PTPRT: variants seen among roughly 807,000 people sequenced by gnomAD.
PTPRT encodes protein tyrosine phosphatase receptor type T, also known as receptor-type tyrosine-protein phosphatase T.
A neutral mutation model predicts 176.8 loss-of-function variants in PTPRT; 56 were observed. The observed-to-expected ratio is 0.32, with a 90% CI of 0.26 to 0.40. The LOEUF is 0.40. PTPRT is among the 10% of genes least tolerant of loss of function. The pLI, the probability that PTPRT is intolerant of heterozygous loss-of-function variation, is 1.00. For missense variants in PTPRT, 1,540 were observed against 1,908.2 expected, an observed-to-expected ratio of 0.81 and a Z score of 3.60; for synonymous variants, 783 against 739.0, an observed-to-expected ratio of 1.06 and a Z score of -0.96.
chr20:42,343,138 C>G lies in PTPRT; in HGVS notation c.1865+7490G>C, dbSNP rs115699980. ...TGTCCTAACTGACCTTGTAAAAGGT[C>G]CCTTAGAAGTCCCCCACACTCTCCT... On this transcript the variant is annotated intron_variant, in intron 11 of 30. Coordinates refer to ENST00000373187, the MANE Select transcript of PTPRT (RefSeq NM_007050.6). Among the ~76,000 whole-genome samples the G allele has an allele frequency of 7.3e-3, 1,116 of 152,238 alleles. 15 individuals are homozygous for G. Among genetic ancestry groups the G allele is most frequent in the African/African-American group, 0.025 (1,052 of 41,532 alleles).
chr20:42,547,138 G>C lies in PTPRT; in HGVS notation c.1154-74576C>G, dbSNP rs7271986. On this transcript the variant is annotated intron_variant, in intron 7 of 30. Coordinates refer to ENST00000373187, the MANE Select transcript of PTPRT (RefSeq NM_007050.6). ...AATAAAATGAGGTATGCCTGTGTAC[G>C]CTTTTGTGTGTTTTGAATTTTGAGC... Among the ~76,000 whole-genome samples the C allele has an allele frequency of 2.8e-3, 428 of 151,716 alleles. 1 individual carries two copies. Among genetic ancestry groups the C allele is most frequent in the African/African-American group, 0.01 (415 of 41,310 alleles).
chr20:42,373,499 C>G (rs539960311), intron 9 of PTPRT, among the ~76,000 whole-genome samples: 2 of 152,294 alleles, frequency 1.3e-5, no homozygotes, highest in African/African-American at 4.8e-5. Context: ...TGTCACATCC[C>G]CAAATGACCT....
chr20:42,386,979 CT>C (rs1259386872), intron 9 of PTPRT, among the ~76,000 whole-genome samples: 6 of 152,238 alleles, frequency 3.9e-5, no homozygotes, highest in Non-Finnish European at 8.8e-5. Flanking sequence ...CCATAATTGT[CT>C]GCATTCTGAA....
chr20:42,600,281 A>C (rs2145787138), intron 7 of PTPRT, among the ~76,000 whole-genome samples: 1 of 152,088 alleles, frequency 6.6e-6, no homozygotes, highest in Admixed American at 6.5e-5. Context: ...CTGGGACTAC[A>C]GGTGTGCGCC....
At chr20:42,985,800 G>C (rs1032630598) in intron 1 of PTPRT, among the ~76,000 whole-genome samples, 5 of 152,142 alleles carry the variant, frequency 3.3e-5, no homozygotes, top group Admixed American at 6.5e-5. Context: ...GGGGGGATGA[G>C]GAGTGCGCCC....
intron 2 of PTPRT, among the ~76,000 whole-genome samples, chr20:42,810,218 C>G (rs527751946): frequency 2.0e-5 from 3 of 152,232 alleles, no homozygotes; most frequent in East Asian, 1.9e-4. Context: ...CGCTTGAACC[C>G]AGGAGGCAGA....
chr20:42,292,256 T>G (rs1056267775), intron 12 of PTPRT, among the ~76,000 whole-genome samples: 1 of 152,100 alleles, frequency 6.6e-6, no homozygotes, highest in Non-Finnish European at 1.5e-5. Flanking sequence ...TTAGCCCCAA[T>G]GGGACTCACT....
intron 15 of PTPRT, among the ~76,000 whole-genome samples, chr20:42,227,663 A>G (rs2056049371): frequency 7.5e-6 from 1 of 134,040 alleles, no homozygotes; most frequent in South Asian, 2.3e-4. Flanking sequence ...GCTGGAGTGC[A>G]ATGGTATGAT....
rs2015493528 is a variant in PTPRT at position 43,189,724 on chromosome 20, G to A, written c.10C>T (p.Leu4Phe). 3.2e-6 allele frequency: 4 copies of A among 1,255,900 alleles called. No individual in the cohort carries two copies. The East Asian group carries it at 1.3e-4, about 42-fold the overall frequency. The allele number at this position is 1,255,900 out of a possible 1,614,324, so 77.8% of individuals were successfully genotyped here. ...AGCAGGCTGAGGGCGAGCGCGGCGA[G>A]GCTCGCCATCCGGGCGGCGGCGGGC... MAS[L>F]AALALSLLLR... is the part of the protein sequence containing the mutation. The change falls in exon 1 of 31, where the codon CTC (leucine) becomes TTC (phenylalanine). Residue 4 changes from leucine (L) to phenylalanine (F), a missense_variant. Leu to Phe is a conservative substitution (Grantham distance 22, BLOSUM62 0). Coordinates refer to ENST00000373187, the MANE Select transcript of PTPRT (RefSeq NM_007050.6). This position sits in a 1 kb window ranked among gnomAD's most constrained non-coding sequence, Gnocchi z 5.0.
At position 42,606,017 on chromosome 20, in the gene PTPRT, G is replaced by T. The variant is rs375151503; in HGVS notation, c.1153+71849C>A. On this transcript the variant is annotated intron_variant, in intron 7 of 30. Coordinates refer to ENST00000373187, the MANE Select transcript of PTPRT (RefSeq NM_007050.6). ...GGACTGCAGGCAGTAGAACAGAAAT[G>T]AAGAATTTCAGGCTACAGGATCAGA... is the stretch of plus-strand genomic sequence containing the variant. Among the ~76,000 whole-genome samples the T allele has an allele frequency of 2.6e-4, 39 of 152,296 alleles. No individual in the cohort carries two copies. In the East Asian group the frequency reaches 6.2e-3, roughly 24 times the overall value.
intron 11 of PTPRT, among the ~76,000 whole-genome samples, chr20:42,335,603 A>T (rs2058028663): frequency 6.6e-6 from 1 of 152,232 alleles, no homozygotes; most frequent in Non-Finnish European, 1.5e-5. Context: ...AGTAGCTCAA[A>T]ATGAAAAATT....
intron 15 of PTPRT, among the ~76,000 whole-genome samples, chr20:42,235,766 C>G (rs1288287868): frequency 6.6e-6 from 1 of 152,238 alleles, no homozygotes; most frequent in South Asian, 2.1e-4. Flanking sequence ...AGTAATGAAT[C>G]CCTGCAGACT....
At chr20:42,714,744 G>A (rs1437404348) in intron 6 of PTPRT, among the ~76,000 whole-genome samples, 1 of 152,206 alleles carries the variant, frequency 6.6e-6, no homozygotes, top group Non-Finnish European at 1.5e-5. Flanking sequence ...ACACAGAGAG[G>A]TGGAGGCCAA....
intron 8 of PTPRT, among the ~76,000 whole-genome samples, chr20:42,454,695 G>A (rs1488024524): frequency 2.0e-5 from 3 of 151,962 alleles, no homozygotes; most frequent in Non-Finnish European, 4.4e-5. Flanking sequence ...CTTTTAATTT[G>A]TGTCTTGTGT....
At chr20:43,127,621 A>T (rs966405585) in intron 1 of PTPRT, among the ~76,000 whole-genome samples, 3 of 152,156 alleles carry the variant, frequency 2.0e-5, no homozygotes, top group Non-Finnish European at 2.9e-5. Flanking sequence ...AGCCCAGGCC[A>T]TCACACTGAG....
chr20:42,153,290 C>G (rs1000918458), intron 17 of PTPRT, among the ~76,000 whole-genome samples: 1 of 152,104 alleles, frequency 6.6e-6, no homozygotes, highest in African/African-American at 2.4e-5. Flanking sequence ...GATTAGTGTT[C>G]ATAAAATAGA....
chr20:43,045,463 T>C (rs1165376026), intron 1 of PTPRT, among the ~76,000 whole-genome samples: 1 of 148,650 alleles, frequency 6.7e-6, no homozygotes, highest in East Asian at 1.9e-4. Flanking sequence ...TCATTTTTTT[T>C]TTTTTTTTGA....
At chr20:42,154,263 A>C (rs1463122331) in intron 17 of PTPRT, among the ~76,000 whole-genome samples, 2 of 152,170 alleles carry the variant, frequency 1.3e-5, no homozygotes, top group Admixed American at 6.5e-5. Context: ...ACTGAGGAGA[A>C]CAAACCTTGT....
At chr20:42,136,232 CTTTTTTTTT>C (rs397864699) in intron 18 of PTPRT, among the ~76,000 whole-genome samples, 2 of 63,052 alleles carry the variant, frequency 3.2e-5, no homozygotes, top group Non-Finnish European at 5.4e-5. Flanking sequence ...AAGAACAGTG[CTTTTTTTTT>C]TTTTTTTTTT....
Sources: gnomAD v4.1 joint callset for allele counts (sites outside exome capture counted in the v4.1 genomes callset) on GRCh38, gnomAD v4.1.1 for gene constraint, Gnocchi (gnomAD v3.1) non-coding constraint, MANE v1.5 for transcripts, NCBI Gene and HGNC (gene_info 2026-07-23, HGNC 2026-07-21) for gene names.